KAT6B: variants seen among roughly 807,000 people sequenced by gnomAD.
KAT6B encodes lysine acetyltransferase 6B.
Under a neutral mutation model 187.5 loss-of-function variants are expected in KAT6B, and 10 were observed. The observed-to-expected ratio is 0.05, with a 90% confidence interval of 0.03 to 0.09. The LOEUF is 0.09. KAT6B is among the 10% of genes least tolerant of loss of function. The pLI is 1.00. For missense variants in KAT6B, 1,952 were observed against 2,558.9 expected (o/e 0.76, Z 5.12); for synonymous variants, 861 against 926.8 (o/e 0.93, Z 1.29).
At chr10:74,882,703 A>G (rs1844940611) in intron 3 of KAT6B, among the ~76,000 whole-genome samples, 1 of 152,244 alleles carries the variant, frequency 6.6e-6, no homozygotes, top group African/African-American at 2.4e-5. Flanking sequence ...GAGATTGCTT[A>G]CCTTAAACAA....
upstream of KAT6B, among the ~76,000 whole-genome samples, chr10:74,824,985 T>TG (rs1259365068): frequency 1.3e-5 from 2 of 151,216 alleles, no homozygotes; most frequent in African/African-American, 2.4e-5. Context: ...GAGAGCATCC[T>TG]GGGGGGCAGC....
rs910654297 is a variant in KAT6B at position 75,015,933 on chromosome 10, G to T, written c.2630-4649G>T. Among the ~76,000 whole-genome samples the T allele has an allele frequency of 4.6e-5, 7 of 152,216 alleles. 1 individual carries two copies. The highest frequency in any genetic ancestry group is 3.3e-4 in the Admixed American group (5 of 15,280). Reference sequence around the variant, plus strand: ...AAGATGGAGGTGTGCAGGGGTGAGGGTGTCTGCCCCTGTCGGGGGAGATCC... The same window carrying T: ...AAGATGGAGGTGTGCAGGGGTGAGGTTGTCTGCCCCTGTCGGGGGAGATCC... On this transcript the variant is annotated intron_variant, in intron 13 of 17. Transcript: ENST00000287239.
intron 13 of KAT6B, among the ~76,000 whole-genome samples, chr10:75,015,931 G>A (rs1390966416): frequency 2.6e-5 from 4 of 152,216 alleles, no homozygotes; most frequent in Non-Finnish European, 5.9e-5. Flanking sequence ...GCAGGGGTGA[G>A]GGTGTCTGCC....
intron 7 of KAT6B, among the ~76,000 whole-genome samples, chr10:74,974,548 G>A (rs781174721): frequency 6.6e-6 from 1 of 152,076 alleles, no homozygotes; most frequent in Non-Finnish European, 1.5e-5. Flanking sequence ...GAAGACAGTC[G>A]GCCGCTGTTC....
In KAT6B at chr10:74,826,635, G is replaced by T; in HGVS notation, c.-479G>T. 6.5e-6 allele frequency: 1 copy of T among 153,770 alleles called. No individual in the cohort carries two copies. The highest frequency in any genetic ancestry group is 1.8e-4 in the South Asian group (1 of 5,624). 9.5% of individuals were successfully genotyped at this position (153,770 alleles called of 1,614,324 possible). A position where few individuals can be genotyped will look rare whatever the true frequency, so the allele number is the denominator to read the frequency against. On this transcript the variant is annotated 5_prime_UTR_variant, in exon 1 of 18. The change creates a new upstream start codon in the 5' untranslated region. Coordinates refer to ENST00000287239, the MANE Select transcript of KAT6B (RefSeq NM_012330.4). ...CGGATTCATGTCAACGACAACAACA[G>T]GGGGACACAAAATGGCGGCGGCTTA...
At chr10:74,986,174 TTCAC>T (rs1380651367) in intron 12 of KAT6B, among the ~76,000 whole-genome samples, 5 of 152,210 alleles carry the variant, frequency 3.3e-5, no homozygotes, top group African/African-American at 9.7e-5. Flanking sequence ...TTCAGAGCAG[TTCAC>T]TCACATTCTT....
intron 3 of KAT6B, among the ~76,000 whole-genome samples, chr10:74,927,863 G>A (rs1848614034): frequency 6.6e-6 from 1 of 152,158 alleles, no homozygotes; most frequent in African/African-American, 2.4e-5. Context: ...TCTGGATAGA[G>A]AAGACCCTCT....
At chr10:75,022,275 T>C in intron 16 of KAT6B, 44 bp downstream of exon 16, 1 of 1,604,660 alleles carries the variant, frequency 6.2e-7, no homozygotes, top group Non-Finnish European at 8.5e-7. Context: ...TTCAATCAAA[T>C]CTTATTTGTC....
intron 8 of KAT6B, chr10:74,977,105 A>T (rs1842209088): frequency 2.1e-6 from 1 of 465,986 alleles, no homozygotes. Flanking sequence ...TAAAAAGATG[A>T]CAGTGATAAA....
intron 3 of KAT6B, among the ~76,000 whole-genome samples, chr10:74,858,426 G>A (rs1842955028): frequency 1.3e-5 from 2 of 151,888 alleles, no homozygotes; most frequent in Admixed American, 1.3e-4. Context: ...ACAGGGGCGT[G>A]TGCCACCATG....
rs571762775 is a variant in KAT6B at position 74,866,281 on chromosome 10, C to T, written c.621+22803C>T. 4.0e-5 allele frequency among the ~76,000 whole-genome samples: 6 copies of T among 151,082 alleles called. No homozygotes were observed. In the East Asian group the frequency reaches 7.8e-4, roughly 20 times the overall value. Reference sequence around the variant, plus strand: ...GTCTTTATGAGTTGGGAGATGCCTTCGGAAGTATTTAATGGTGAAGTGTCT... The same window carrying T: ...GTCTTTATGAGTTGGGAGATGCCTTTGGAAGTATTTAATGGTGAAGTGTCT... On this transcript the variant is annotated intron_variant, in intron 3 of 17. Transcript: ENST00000287239.
At chr10:74,984,649 AGTTTT>A (rs1196135988) in intron 11 of KAT6B, 8 of 186,052 alleles carry the variant, frequency 4.3e-5, no homozygotes, top group Non-Finnish European at 7.9e-5. Flanking sequence ...CATTTATTTT[AGTTTT>A]ATGTGAAACC....
intron 3 of KAT6B, among the ~76,000 whole-genome samples, chr10:74,866,225 A>G (rs966050843): frequency 6.6e-6 from 1 of 151,890 alleles, no homozygotes; most frequent in African/African-American, 2.4e-5. Context: ...TTGTTCTTCA[A>G]TATGATAATG....
intron 13 of KAT6B, among the ~76,000 whole-genome samples, chr10:75,009,167 A>G (rs1844424377): frequency 6.6e-6 from 1 of 152,200 alleles, no homozygotes; most frequent in Non-Finnish European, 1.5e-5. Flanking sequence ...GCAATGTAGC[A>G]TATTGAATTC....
chr10:74,862,665 C>T (rs779542205), intron 3 of KAT6B, among the ~76,000 whole-genome samples: 4 of 152,152 alleles, frequency 2.6e-5, no homozygotes, highest in Admixed American at 6.5e-5. Flanking sequence ...TTTTAGAGAT[C>T]GTTCTGAAGG....
intron 3 of KAT6B, among the ~76,000 whole-genome samples, chr10:74,846,042 T>C (rs1439545602): frequency 1.3e-5 from 2 of 151,918 alleles, no homozygotes; most frequent in Non-Finnish European, 2.9e-5. Flanking sequence ...TTTTGTACTT[T>C]TTGTAAAGAT....
At chr10:74,847,119 A>G (rs1842164025) in intron 3 of KAT6B, among the ~76,000 whole-genome samples, 1 of 152,180 alleles carries the variant, frequency 6.6e-6, no homozygotes, top group Non-Finnish European at 1.5e-5. Context: ...GAAAGTGTCT[A>G]GGATTGAGAG....
chr10:75,017,750 A>C (rs1845084183), intron 13 of KAT6B, among the ~76,000 whole-genome samples: 1 of 152,258 alleles, frequency 6.6e-6, no homozygotes, highest in African/African-American at 2.4e-5. Flanking sequence ...GTTCAAATGG[A>C]ATTCTGTCCT....
At chr10:74,996,398 A>G (rs984512649) in intron 13 of KAT6B, among the ~76,000 whole-genome samples, 6 of 152,218 alleles carry the variant, frequency 3.9e-5, no homozygotes, top group Non-Finnish European at 8.8e-5. Context: ...CATGTTACAT[A>G]CCTGGGTAAC....
Sources: allele counts gnomAD v4.1 joint callset (sites outside exome capture counted in the v4.1 genomes callset), GRCh38; gene constraint gnomAD v4.1.1; transcripts MANE v1.5; gene names NCBI Gene and HGNC (gene_info 2026-07-23, HGNC 2026-07-21).